HSPA4L: variants seen among roughly 807,000 people sequenced by gnomAD.
The protein encoded by HSPA4L is heat shock 70 kDa protein 4L.
HSPA4L carries 48 observed loss-of-function variants against 100.3 expected under a neutral mutation model. The observed-to-expected ratio is 0.48, with a 90% CI of 0.38 to 0.61. The LOEUF (loss-of-function observed/expected upper bound fraction) is 0.61. Among genes scored for constraint, HSPA4L ranks in the 20% least tolerant of loss-of-function variants. The pLI is 0.00. For missense variants in HSPA4L, 886 were observed against 988.6 expected, an observed-to-expected ratio of 0.90 and a Z score of 1.39; for synonymous variants, 319 against 328.2, an observed-to-expected ratio of 0.97 and a Z score of 0.30.
chr4:127,796,183 A>G (rs1186414412), intron 3 of HSPA4L, among the ~76,000 whole-genome samples: 2 of 152,140 alleles, frequency 1.3e-5, no homozygotes, highest in Admixed American at 1.3e-4. Flanking sequence ...TATAGGATTC[A>G]GAAGAATAGA....
chr4:127,805,741 G>T lies in HSPA4L; in HGVS notation c.1192G>T (p.Val398Phe). 6.2e-7 allele frequency: 1 copy of T among 1,612,784 alleles called. No homozygotes were observed. Among genetic ancestry groups the T allele is most frequent in the Non-Finnish European group, 8.5e-7 (1 of 1,179,170 alleles). The change falls in exon 10 of 19, where the codon GTT (valine) becomes TTT (phenylalanine). Residue 398 changes from valine to phenylalanine, a missense_variant. Transcript: ENST00000296464. The stretch of plus-strand genomic sequence containing the variant: ...GCGTGAATTTTCCATAACAGACCTT[G>T]TTCCCTATTCAATCACATTAAGGTG... ...KVREFSITDL[V>F]PYSITLRWKT...
chr4:127,815,115 A>G (rs1205312715), intron 12 of HSPA4L, among the ~76,000 whole-genome samples: 1 of 151,806 alleles, frequency 6.6e-6, no homozygotes, highest in Non-Finnish European at 1.5e-5. Flanking sequence ...GACATAAACC[A>G]GTGAACATCA....
At chr4:127,832,594 AAATTTAGAAAGTTAATGTGG>A (rs1734110483) in intron 18 of HSPA4L, 69 bp from the exon 19 acceptor site, 5 of 1,178,114 alleles carry the variant, frequency 4.2e-6, no homozygotes, top group South Asian at 1.7e-5. Flanking sequence ...AATTATGTGA[AAATTTAGAAAGTTAATGTGG>A]AATTTAGAAA....
At chr4:127,785,304 AATATGTGCTC>A (rs1732685639) in intron 1 of HSPA4L, among the ~76,000 whole-genome samples, 1 of 152,250 alleles carries the variant, frequency 6.6e-6, no homozygotes, top group Non-Finnish European at 1.5e-5. Context: ...ATTACATAAT[AATATGTGCTC>A]ATTATAAAAA....
chr4:127,811,063 AT>A (rs1425792909), intron 11 of HSPA4L, among the ~76,000 whole-genome samples: 9 of 152,328 alleles, frequency 5.9e-5, no homozygotes, highest in Admixed American at 5.9e-4. Context: ...ATCAAAAAAA[AT>A]CTATTTTGTT....
In HSPA4L at chr4:127,833,285, G is replaced by A. The variant is rs1201007221; in HGVS notation, c.*411G>A. 6.5e-6 allele frequency: 1 copy of A among 154,364 alleles called. No homozygotes were observed. Among genetic ancestry groups the A allele is most frequent in the East Asian group, 1.9e-4 (1 of 5,250 alleles). The allele number at this position is 154,364 out of a possible 1,614,324, so 9.6% of individuals were successfully genotyped here. On this transcript the variant is annotated 3_prime_UTR_variant, in exon 19 of 19. Transcript: ENST00000296464. ...TTTTGAAAAACAAATGAAAATTGAT[G>A]GGGTTTAAAGCTACAGAGGCACTGA...
intron 3 of HSPA4L, among the ~76,000 whole-genome samples, chr4:127,796,403 T>C (rs1391561196): frequency 1.3e-5 from 2 of 152,152 alleles, no homozygotes; most frequent in Non-Finnish European, 2.9e-5. Context: ...CTGATTTTTT[T>C]CAAAAACTAG....
Position 127,833,396 on chromosome 4 carries a change from A to G in HSPA4L, c.*522A>G, listed in dbSNP as rs950937704. On this transcript the variant is annotated 3_prime_UTR_variant, in exon 19 of 19. Transcript: ENST00000296464. ...ACAAATTAGTCCATCTCATTGATGTACCACAGAAATCCAAAGCTTTGCTGT... is the reference window on the plus strand; with the variant it reads ...ACAAATTAGTCCATCTCATTGATGTGCCACAGAAATCCAAAGCTTTGCTGT... The G allele has an allele frequency of 1.3e-5, 2 of 152,526 alleles. No individual in the cohort carries two copies. The highest frequency in any genetic ancestry group is 2.9e-5 in the Non-Finnish European group (2 of 68,030). The allele number at this position is 152,526 out of a possible 1,614,324, so 9.4% of individuals were successfully genotyped here.
rs895822750 is a variant in HSPA4L, at chr4:127,795,992, C to A, written c.306+84C>A. 1.5e-5 allele frequency: 21 copies of A among 1,385,486 alleles called. No individual in the cohort carries two copies. In the African/African-American group the frequency reaches 2.7e-4, roughly 18 times the overall value. The allele number at this position is 1,385,486 out of a possible 1,614,324, so 85.8% of individuals were successfully genotyped here. A position where few individuals can be genotyped will look rare whatever the true frequency, so the allele number is the denominator to read the frequency against. On this transcript the variant is annotated intron_variant, in intron 3 of 18. Transcript: ENST00000296464. ...ATAATATTGCTATTTGTAGTTTGAC[C>A]TTTTTCCTCTAGATACAGTACATAC...
intron 2 of HSPA4L, among the ~76,000 whole-genome samples, 175 bp from the exon 3 acceptor site, chr4:127,795,593 C>T (rs564991429): frequency 1.1e-4 from 17 of 152,190 alleles, no homozygotes; most frequent in African/African-American, 4.1e-4. Context: ...AAAATGTGTA[C>T]ATTCTCATTG....
chr4:127,809,655 A>G (rs1733471462), intron 11 of HSPA4L, among the ~76,000 whole-genome samples: 1 of 152,186 alleles, frequency 6.6e-6, no homozygotes, highest in African/African-American at 2.4e-5. Context: ...AGAGCTGTGG[A>G]GGCTGTATCG....
upstream of HSPA4L, chr4:127,782,190 G>C: frequency 2.4e-6 from 1 of 412,658 alleles, no homozygotes; most frequent in Admixed American, 2.7e-5. Context: ...CGTTGCCCGA[G>C]TGCTGACGGA....
rs746819512 is a variant in HSPA4L at position 127,830,810 on chromosome 4, T to C, written c.2328+11T>C. 6.6e-7 allele frequency: 1 copy of C among 1,521,452 alleles called. No individual in the cohort carries two copies. The highest frequency in any genetic ancestry group is 1.3e-5 in the South Asian group (1 of 75,008). The allele number at this position is 1,521,452 out of a possible 1,614,324, so 94.2% of individuals were successfully genotyped here. A position where few individuals can be genotyped will look rare whatever the true frequency, so the allele number is the denominator to read the frequency against. ...GTAGCAAAGTCAAAGGTAAGAAGTTTATGAAATTGCCTTTTTAATGGTTTC... is the reference window on the plus strand; with the variant it reads ...GTAGCAAAGTCAAAGGTAAGAAGTTCATGAAATTGCCTTTTTAATGGTTTC... On this transcript the variant is annotated intron_variant, in intron 18 of 18. Coordinates refer to ENST00000296464, the MANE Select transcript of HSPA4L (RefSeq NM_014278.4).
rs200159482 is a variant in HSPA4L at position 127,820,510 on chromosome 4, G to A, written c.1757G>A (p.Ser586Asn). 181 of 1,601,310 alleles carry A rather than the reference G, an allele frequency of 1.1e-4. No homozygotes were observed. The highest frequency in any genetic ancestry group is 9.4e-5 in the Non-Finnish European group (110 of 1,174,662). The change falls in exon 14 of 19, where the codon AGT (serine) becomes AAT (asparagine). Residue 586 changes from serine to asparagine, a missense_variant. By Grantham distance (46) the Ser-to-Asn change is conservative (BLOSUM62 1). Transcript: ENST00000296464. ...AAAAGTATTGATCTACCGATCCAGAGTAGCCTATGTAGACAACTAGGCCAA... is the reference window on the plus strand; with the variant it reads ...AAAAGTATTGATCTACCGATCCAGAATAGCCTATGTAGACAACTAGGCCAA... Reference protein sequence around the residue: ...KVKSIDLPIQSSLCRQLGQDL... With the variant: ...KVKSIDLPIQNSLCRQLGQDL...
intron 4 of HSPA4L, among the ~76,000 whole-genome samples, chr4:127,800,658 T>A (rs774731262): frequency 2.5e-4 from 38 of 152,164 alleles, no homozygotes; most frequent in Non-Finnish European, 4.4e-4. Flanking sequence ...TGGGTGTATA[T>A]ACGCACGATA....
intron 11 of HSPA4L, 23 bp downstream of exon 11, chr4:127,808,152 A>G (rs1190113393): frequency 2.5e-6 from 4 of 1,575,298 alleles, no homozygotes; most frequent in Non-Finnish European, 3.4e-6. Context: ...AAAGTTCTCC[A>G]TAACATTTTG....
intron 1 of HSPA4L, among the ~76,000 whole-genome samples, chr4:127,785,048 T>C (rs2148773154): frequency 6.6e-6 from 1 of 152,350 alleles, no homozygotes; most frequent in South Asian, 2.1e-4. Flanking sequence ...ATTTGATTGC[T>C]TATGGTTGAG....
At chr4:127,807,713 A>G (rs549919636) in intron 10 of HSPA4L, among the ~76,000 whole-genome samples, 1 of 152,256 alleles carries the variant, frequency 6.6e-6, no homozygotes, top group East Asian at 1.9e-4. Context: ...TGTGAGGGAA[A>G]AAAACCATAC....
At position 127,822,902 on chromosome 4, in the gene HSPA4L, T is replaced by G; in HGVS notation, c.1938+8T>G. 1 of 1,609,744 alleles carries G rather than the reference T, an allele frequency of 6.2e-7. No individual in the cohort carries two copies. The highest frequency in any genetic ancestry group is 8.5e-7 in the Non-Finnish European group (1 of 1,178,412). ...AAATTCATCACTCCAGAAGTAAGTC[T>G]AAATTCTGTTAATTTTTTGTGAGGA... On this transcript the variant is annotated splice_region_variant and intron_variant, in intron 15 of 18. Transcript: ENST00000296464.
Sources: gnomAD v4.1 joint callset for allele counts (sites outside exome capture counted in the v4.1 genomes callset) on GRCh38, gnomAD v4.1.1 for gene constraint, MANE v1.5 for transcripts, NCBI Gene and HGNC (gene_info 2026-07-23, HGNC 2026-07-21) for gene names.